CHAF1A: variants seen among roughly 807,000 people sequenced by gnomAD.
CHAF1A encodes the protein chromatin assembly factor 1 subunit A, also known as CAF-1 subunit A.
Under a neutral mutation model 93.2 loss-of-function variants are expected in CHAF1A, and 5 were observed. The observed-to-expected ratio is 0.05, with a 90% CI of 0.03 to 0.11. The LOEUF is 0.11. CHAF1A is among the 10% of genes least tolerant of loss of function. The pLI, the probability that CHAF1A is intolerant of heterozygous loss-of-function variation, is 1.00. For missense variants in CHAF1A, 1,102 were observed against 1,259.9 expected, an observed-to-expected ratio of 0.87 and a Z score of 1.90; for synonymous variants, 504 against 510.3, an observed-to-expected ratio of 0.99 and a Z score of 0.17.
chr19:4,448,048 C>T, downstream of CHAF1A: 1 of 552,826 alleles, frequency 1.8e-6, no homozygotes, highest in Non-Finnish European at 3.3e-6. Flanking sequence ...GGGTGGGACC[C>T]TGCCTCCTCC....
chr19:4,405,380 C>T (rs1173514573), intron 1 of CHAF1A, among the ~76,000 whole-genome samples: 1 of 152,114 alleles, frequency 6.6e-6, no homozygotes, highest in Non-Finnish European at 1.5e-5. Context: ...GAGGCTGAGG[C>T]GGGTGGATCA....
In CHAF1A at chr19:4,428,675, C is replaced by T; in HGVS notation, c.1389C>T (p.Gly463=). 2 of 1,613,982 alleles carry T rather than the reference C, an allele frequency of 1.2e-6. No individual in the cohort carries two copies. The highest frequency in any genetic ancestry group is 1.7e-6 in the Non-Finnish European group (2 of 1,179,866). Reference sequence around the variant, plus strand: ...CTTCTTGATTTCAGACCCTGGCCGGCTCCTGTGGGAAGTTTGCCCCCTTTG... The same window carrying T: ...CTTCTTGATTTCAGACCCTGGCCGGTTCCTGTGGGAAGTTTGCCCCCTTTG... ...KTPQAPKTLA[G]SCGKFAPFEI... The change falls in exon 8 of 15, where the codon GGC becomes GGT. Residue 463 remains glycine, a synonymous_variant. Coordinates refer to ENST00000301280, the MANE Select transcript of CHAF1A (RefSeq NM_005483.3).
chr19:4,441,904 A>T (rs1974397440), intron 13 of CHAF1A, among the ~76,000 whole-genome samples: 2 of 152,212 alleles, frequency 1.3e-5, no homozygotes, highest in Admixed American at 1.3e-4. Flanking sequence ...TCTCAAAAAA[A>T]AATAAAAATA....
intron 10 of CHAF1A, chr19:4,430,165 T>C (rs559038010): frequency 6.9e-5 from 23 of 333,300 alleles, no homozygotes; most frequent in Non-Finnish European, 1.2e-4. Context: ...GCAAAGCAGA[T>C]GTTCACAGCT....
In CHAF1A at chr19:4,437,360, G is replaced by GT. The variant is rs547852139; in HGVS notation, c.2673+3830dup. Among the ~76,000 whole-genome samples, 25 of 151,270 alleles carry GT rather than the reference G, an allele frequency of 1.7e-4. No individual in the cohort carries two copies. In the South Asian group the frequency reaches 1.9e-3, roughly 11 times the overall value. ...TGGGACATGTGCCCTGGCATCCTCT[G>GT]TTTTTTTTTGACAGGGTCTCACTCT... On this transcript the variant is annotated intron_variant, in intron 13 of 14. Coordinates refer to ENST00000301280, the MANE Select transcript of CHAF1A (RefSeq NM_005483.3).
At chr19:4,438,580 C>T (rs772411818) in intron 13 of CHAF1A, among the ~76,000 whole-genome samples, 4 of 152,110 alleles carry the variant, frequency 2.6e-5, no homozygotes, top group Admixed American at 1.3e-4. Context: ...CTGTGAAGCC[C>T]TAGGACACCT....
intron 4 of CHAF1A, among the ~76,000 whole-genome samples, chr19:4,419,029 ATTTTTTTTTT>A (rs11406470): frequency 8.3e-5 from 8 of 96,472 alleles, no homozygotes; most frequent in South Asian, 3.7e-4. Context: ...TAGCCAGCTA[ATTTTTTTTTT>A]TTTTTTTTTT....
At position 4,442,283 on chromosome 19, in the gene CHAF1A, G is replaced by GGAGGAGGAGGAA; in HGVS notation, c.2723_2734dup (p.Glu908_Glu911dup). On this transcript the variant is annotated inframe_insertion, in exon 14 of 15. Coordinates refer to ENST00000301280, the MANE Select transcript of CHAF1A (RefSeq NM_005483.3). ...ACATGGACGGCTTCCAGGCAGACAC[G>GGAGGAGGAGGAA]GAGGAGGAGGAAGAGGAGGAGGGCG... The GGAGGAGGAGGAA allele has an allele frequency of 6.2e-7, 1 of 1,613,364 alleles. No individual in the cohort carries two copies. Among genetic ancestry groups the GGAGGAGGAGGAA allele is most frequent in the East Asian group, 2.2e-5 (1 of 44,874 alleles).
chr19:4,408,353 C>T (rs557158642), intron 2 of CHAF1A, among the ~76,000 whole-genome samples: 3 of 151,228 alleles, frequency 2.0e-5, no homozygotes, highest in Non-Finnish European at 2.9e-5. Flanking sequence ...CCACCTCACC[C>T]GGCTAATTTT....
In CHAF1A at chr19:4,439,204, C is replaced by G. The variant is rs542536691; in HGVS notation, c.2674-3041C>G. Among the ~76,000 whole-genome samples, 4 of 151,142 alleles carry G rather than the reference C, an allele frequency of 2.6e-5. No individual in the cohort carries two copies. In the South Asian group the frequency reaches 8.3e-4, roughly 32 times the overall value. On this transcript the variant is annotated intron_variant, in intron 13 of 14. Transcript: ENST00000301280. ...CCGAGGCAGGAGAATCACTTGAACT[C>G]AGGAGGTGGAGGTTGCAGTTGAGCC...
In CHAF1A at chr19:4,439,767, G is replaced by A. The variant is rs564918481; in HGVS notation, c.2674-2478G>A. Among the ~76,000 whole-genome samples the A allele has an allele frequency of 1.9e-3, 285 of 152,362 alleles. 1 individual carries two copies. Among genetic ancestry groups the A allele is most frequent in the African/African-American group, 6.6e-3 (273 of 41,588 alleles). ...GTAGTTGAAAATGGCCGTAGGCCAG[G>A]CTCAGTGGCTCATGCCTGTAATCCC... On this transcript the variant is annotated intron_variant, in intron 13 of 14. Transcript: ENST00000301280.
In CHAF1A at chr19:4,428,330, T is replaced by C. The variant is rs534864292; in HGVS notation, c.1378-334T>C. Reference sequence around the variant, plus strand: ...TTTTTAAGTGAGGTTTGTTGAGATATAATTTACATCCAATAAAATAAACTC... The same window carrying C: ...TTTTTAAGTGAGGTTTGTTGAGATACAATTTACATCCAATAAAATAAACTC... On this transcript the variant is annotated intron_variant, in intron 7 of 14. Coordinates refer to ENST00000301280, the MANE Select transcript of CHAF1A (RefSeq NM_005483.3). Among the ~76,000 whole-genome samples the C allele has an allele frequency of 2.1e-3, 315 of 149,194 alleles. 1 individual carries two copies. Among genetic ancestry groups the C allele is most frequent in the Non-Finnish European group, 3.1e-3 (208 of 67,656 alleles).
chr19:4,403,562 G>C (rs1328215961), intron 1 of CHAF1A, among the ~76,000 whole-genome samples: 2 of 152,278 alleles, frequency 1.3e-5, no homozygotes, highest in African/African-American at 4.8e-5. Flanking sequence ...CGCCAGTCCA[G>C]TTTCTCAGCC....
At chr19:4,436,221 T>C (rs1193022148) in intron 13 of CHAF1A, among the ~76,000 whole-genome samples, 2 of 152,068 alleles carry the variant, frequency 1.3e-5, no homozygotes, top group Non-Finnish European at 2.9e-5. Context: ...CTCAGCCATC[T>C]CCCTGCTGCC....
In CHAF1A at chr19:4,419,969, C is replaced by T. The variant is rs146621393; in HGVS notation, c.1017+1893C>T. On this transcript the variant is annotated intron_variant, in intron 4 of 14. Coordinates refer to ENST00000301280, the MANE Select transcript of CHAF1A (RefSeq NM_005483.3). ...CTTGTTCAGTCCAGACGGTCACCTT[C>T]CTCGTGTGTCTCGTATATCAGATGC... 7.8e-4 allele frequency among the ~76,000 whole-genome samples: 119 copies of T among 152,258 alleles called. 1 individual carries two copies. The highest frequency in any genetic ancestry group is 7.2e-4 in the Non-Finnish European group (49 of 68,020).
chr19:4,423,490 C>G (rs935053154), intron 6 of CHAF1A, 95 bp downstream of exon 6: 2 of 1,595,754 alleles, frequency 1.3e-6, no homozygotes, highest in Admixed American at 1.8e-5. Flanking sequence ...CTAATATTCT[C>G]TTGGTTTGGG....
chr19:4,446,095 T>C (rs1974507957), downstream of CHAF1A: 4 of 1,612,668 alleles, frequency 2.5e-6, no homozygotes, highest in African/African-American at 4.0e-5. Flanking sequence ...GGACAGCTTC[T>C]GCCCTCCCGA....
At chr19:4,427,657 A>G (rs1411270199) in intron 7 of CHAF1A, among the ~76,000 whole-genome samples, 30 of 144,772 alleles carry the variant, frequency 2.1e-4, no homozygotes, top group Middle Eastern at 4.1e-3. Context: ...GCACGATCTC[A>G]GCTCACTGCA....
intron 3 of CHAF1A, among the ~76,000 whole-genome samples, chr19:4,411,642 A>ATATTTTTTTTTTTTTTTT (rs1202069647): frequency 2.6e-5 from 1 of 38,064 alleles, no homozygotes; most frequent in African/African-American, 9.4e-5. Context: ...AATGGTGCAA[A>ATATTTTTTTTTTTTTTTT]TCTTTTTTTT....
Sources: gnomAD v4.1 joint callset for allele counts (sites outside exome capture counted in the v4.1 genomes callset) on GRCh38, gnomAD v4.1.1 for gene constraint, MANE v1.5 for transcripts, NCBI Gene and HGNC (gene_info 2026-07-23, HGNC 2026-07-21) for gene names.